TRMT2B: variants seen among roughly 807,000 people sequenced by gnomAD.
TRMT2B encodes tRNA (uracil-5-)-methyltransferase homolog B.
In TRMT2B, 34 loss-of-function variants were observed where a neutral mutation model predicts 39.7. The ratio of observed to expected loss-of-function variants is 0.86; its 90% CI spans 0.65 to 1.14. The LOEUF is 1.14. TRMT2B is among the 50% of genes most tolerant of loss of function. The pLI is 0.00. For synonymous variants in TRMT2B, 132 were observed against 137.3 expected (o/e 0.96, Z 0.27); for missense variants, 318 against 377.2 (o/e 0.84, Z 1.30).
chrX:101,047,756 G>A (rs750959283), intron 2 of TRMT2B, among the ~76,000 whole-genome samples: 62 of 110,625 alleles, frequency 5.6e-4, no homozygotes, highest in African/African-American at 2.0e-3. Flanking sequence ...GCTTGAACCT[G>A]GGAGGCAGAG....
At chrX:100,974,265 C>A in the TRMT2B span, 1 of 860,437 alleles carries the variant, frequency 1.2e-6, no homozygotes, top group Non-Finnish European at 1.7e-6. Flanking sequence ...GTGAAATAAT[C>A]CTTCCTTCCT....
intron 2 of TRMT2B, among the ~76,000 whole-genome samples, chrX:101,044,861 A>AAC (rs2088522744): frequency 9.8e-6 from 1 of 101,932 alleles, no homozygotes; most frequent in Non-Finnish European, 2.0e-5. Context: ...AAAAAAAAAA[A>AAC]CCCTACAAAA....
the TRMT2B span, among the ~76,000 whole-genome samples, chrX:100,995,453 CAG>C: frequency 1.8e-5 from 2 of 111,819 alleles, no homozygotes; most frequent in African/African-American, 6.5e-5. Context: ...AATATCAGCT[CAG>C]GGGGAATGTA....
Position 101,037,027 on chromosome X carries a change from C to T in TRMT2B, c.485G>A (p.Arg162Gln), listed in dbSNP as rs1242285805. 2.5e-6 allele frequency: 3 copies of T among 1,209,606 alleles called. No individual in the cohort carries two copies. Among genetic ancestry groups the T allele is most frequent in the East Asian group, 3.0e-5 (1 of 33,768 alleles). ...AGTCTTTGGATTGCCATCTGGACCT[C>T]GGTTCACAGAGAAGGTGGACTTATT... ...YRNKSTFSVN[R>Q]GPDGNPKTVG... Residue 162 changes from arginine (R) to glutamine (Q), a missense_variant, in exon 6 of 14, where the codon CGA becomes CAA. By Grantham distance (43) the Arg-to-Gln change is conservative. Coordinates refer to ENST00000372936, the MANE Select transcript of TRMT2B (RefSeq NM_024917.6).
chrX:101,040,084 G>A (rs768592876), intron 4 of TRMT2B, among the ~76,000 whole-genome samples: 26 of 105,605 alleles, frequency 2.5e-4, no homozygotes, highest in Non-Finnish European at 4.3e-4. Context: ...ACCTGAGGTC[G>A]GGAGTTCAAG....
In TRMT2B at chrX:101,041,368, C is replaced by T; in HGVS notation, c.252G>A (p.Leu84=). ...GPLDGSWQER[L]ADVVTPLWRL... is the part of the protein sequence containing the mutation. Reference sequence around the variant, plus strand: ...TCCAGAGTGGTGTCACAACATCAGCCAGCCTTGAATAAAATAATTCAGGCA... The same window carrying T: ...TCCAGAGTGGTGTCACAACATCAGCTAGCCTTGAATAAAATAATTCAGGCA... Residue 84 remains leucine (L), a synonymous_variant, in exon 4 of 14, where the codon CTG becomes CTA. Coordinates refer to ENST00000372936, the MANE Select transcript of TRMT2B (RefSeq NM_024917.6). The T allele has an allele frequency of 8.3e-7, 1 of 1,206,985 alleles. No homozygotes were observed. The highest frequency in any genetic ancestry group is 1.1e-6 in the Non-Finnish European group (1 of 892,821).
intron 7 of TRMT2B, among the ~76,000 whole-genome samples, chrX:101,026,333 C>T (rs1197142281): frequency 9.1e-6 from 1 of 109,436 alleles, no homozygotes; most frequent in African/African-American, 3.3e-5. Flanking sequence ...AAAAATTAGC[C>T]AGGCGTGGTG....
chrX:101,032,776 CAA>C (rs749914577), intron 7 of TRMT2B, among the ~76,000 whole-genome samples: 5 of 28,632 alleles, frequency 1.7e-4, no homozygotes, highest in Non-Finnish European at 2.8e-4. Context: ...AACTCCGTCT[CAA>C]AAAAAAAAAA....
the TRMT2B span, chrX:100,985,764 G>A: frequency 8.3e-7 from 1 of 1,211,366 alleles, no homozygotes; most frequent in East Asian, 3.0e-5. Context: ...ATGGAGACCT[G>A]AAGGGCCGGG....
At chrX:100,992,770 A>G in the TRMT2B span, among the ~76,000 whole-genome samples, 1 of 111,538 alleles carries the variant, frequency 9.0e-6, no homozygotes, top group Non-Finnish European at 1.9e-5. Flanking sequence ...TACCACCACC[A>G]TCTTACAGAG....
intron 7 of TRMT2B, among the ~76,000 whole-genome samples, chrX:101,028,110 C>G (rs1189065793): frequency 8.9e-5 from 9 of 100,833 alleles, no homozygotes; most frequent in African/African-American, 3.3e-4. Flanking sequence ...TTACTTCTTG[C>G]TCTTTTTTTT....
the TRMT2B span, among the ~76,000 whole-genome samples, chrX:100,976,454 T>C: frequency 9.0e-6 from 1 of 111,461 alleles, no homozygotes; most frequent in Non-Finnish European, 1.9e-5. Flanking sequence ...CATTCACAGA[T>C]AATTTTTTTA....
chrX:100,998,730 G>A, the TRMT2B span, among the ~76,000 whole-genome samples: 1 of 111,254 alleles, frequency 9.0e-6, no homozygotes, highest in Non-Finnish European at 1.9e-5. Context: ...GAGCATTGGA[G>A]AGGTCAAGTA....
the TRMT2B span, chrX:100,987,518 GAAT>G: frequency 8.3e-7 from 1 of 1,211,242 alleles, no homozygotes; most frequent in Non-Finnish European, 1.1e-6. Context: ...CAATCTCCAA[GAAT>G]AACACAGGCT....
At chrX:101,021,028 C>A in intron 10 of TRMT2B, 73 bp downstream of exon 10, 3 of 1,010,985 alleles carry the variant, frequency 3.0e-6, no homozygotes, top group Non-Finnish European at 4.2e-6. Flanking sequence ...TACCTCTCCC[C>A]GACCACCTCC....
the TRMT2B span, chrX:100,988,348 T>A: frequency 4.6e-5 from 55 of 1,205,186 alleles, no homozygotes; most frequent in Non-Finnish European, 5.6e-6. Context: ...ACCAACTAAC[T>A]TTCCCCCCCA....
At chrX:101,050,542 T>C (rs1467236699) in intron 2 of TRMT2B, among the ~76,000 whole-genome samples, 2 of 105,122 alleles carry the variant, frequency 1.9e-5, no homozygotes, top group Admixed American at 1.0e-4. Context: ...CTGACCAACA[T>C]GGAGAAACCC....
intron 5 of TRMT2B, 185 bp from the exon 6 acceptor site, chrX:101,037,258 T>C: frequency 2.3e-6 from 1 of 426,096 alleles, no homozygotes. Flanking sequence ...GTTCCAATCT[T>C]GCCATAAAGC....
At position 101,019,168 on chromosome X, in the gene TRMT2B, A is replaced by G; in HGVS notation, c.1289-98T>C. On this transcript the variant is annotated intron_variant, in intron 12 of 13. Transcript: ENST00000372936. Reference sequence around the variant, plus strand: ...CCAGAACTCAGGATTGATTAGAAATAGAGGGGAAACAGGTTCAGAGCCAGC... The same window carrying G: ...CCAGAACTCAGGATTGATTAGAAATGGAGGGGAAACAGGTTCAGAGCCAGC... The G allele has an allele frequency of 2.7e-6, 3 of 1,129,794 alleles. No individual in the cohort carries two copies. In the South Asian group the frequency reaches 5.6e-5, roughly 21 times the overall value. 93.1% of individuals were successfully genotyped at this position (1,129,794 alleles called of 1,213,427 possible).
Sources: gnomAD v4.1 joint callset for allele counts (sites outside exome capture counted in the v4.1 genomes callset) on GRCh38, gnomAD v4.1.1 for gene constraint, MANE v1.5 for transcripts, NCBI Gene and HGNC (gene_info 2026-07-23, HGNC 2026-07-21) for gene names.